Variants in GRM5 observed in about 807,000 individuals in gnomAD.
The protein encoded by GRM5 is metabotropic glutamate receptor 5.
GRM5 carries 19 observed loss-of-function variants against 83.1 expected under a neutral mutation model. The observed-to-expected ratio is 0.23, with a 90% CI of 0.16 to 0.34. The LOEUF (loss-of-function observed/expected upper bound fraction) is 0.34. Among genes scored for constraint, GRM5 ranks in the 10% least tolerant of loss-of-function variants. GRM5 has a pLI of 1.00. For missense variants in GRM5, 1,160 were observed against 1,588.3 expected (o/e 0.73, Z 4.58); for synonymous variants, 675 against 633.6 (o/e 1.07, Z -0.98).
intron 3 of GRM5, among the ~76,000 whole-genome samples, chr11:88,668,167 T>C (rs1940092428): frequency 6.6e-6 from 1 of 151,786 alleles, no homozygotes; most frequent in Admixed American, 6.6e-5. Context: ...TAATTTTATA[T>C]CTCTTAAATC....
rs374206814 is a variant in GRM5 at position 88,676,068 on chromosome 11, A to G, written c.912-22665T>C. On this transcript the variant is annotated intron_variant, in intron 3 of 9. Transcript: ENST00000305447. ...AATAAAGAACTCAGCAAGGGGGATC[A>G]TTAGGAAAGTCAAAGTATTTTATCC... Among the ~76,000 whole-genome samples, 18 of 152,184 alleles carry G rather than the reference A, an allele frequency of 1.2e-4. No homozygotes were observed. The East Asian group carries it at 2.5e-3, about 21-fold the overall frequency.
At chr11:88,946,138 A>G (rs1938277512) in intron 2 of GRM5, among the ~76,000 whole-genome samples, 1 of 152,062 alleles carries the variant, frequency 6.6e-6, no homozygotes, top group Admixed American at 6.6e-5. Flanking sequence ...GAAAAAAATT[A>G]TCATCGCTAA....
chr11:88,993,982 T>C (rs1457608421), intron 2 of GRM5, among the ~76,000 whole-genome samples: 1 of 152,150 alleles, frequency 6.6e-6, no homozygotes. Context: ...CCTCCGAAAG[T>C]ACTGGGATTA....
At chr11:88,573,651 C>T (rs1943050868) in intron 7 of GRM5, among the ~76,000 whole-genome samples, 1 of 152,152 alleles carries the variant, frequency 6.6e-6, no homozygotes, top group Non-Finnish European at 1.5e-5. Flanking sequence ...TCTATTAAAA[C>T]TAATATGGGG....
chr11:89,035,206 T>C (rs1314026668), intron 2 of GRM5, among the ~76,000 whole-genome samples: 1 of 151,756 alleles, frequency 6.6e-6, no homozygotes, highest in Non-Finnish European at 1.5e-5. Flanking sequence ...AAACATATTG[T>C]CAACATCATT....
intron 7 of GRM5, among the ~76,000 whole-genome samples, chr11:88,580,794 A>G (rs1343319840): frequency 6.6e-6 from 1 of 152,248 alleles, no homozygotes; most frequent in African/African-American, 2.4e-5. Flanking sequence ...TGATTGTGCT[A>G]GACAGTCATT....
intron 2 of GRM5, among the ~76,000 whole-genome samples, chr11:89,013,016 T>C (rs188186239): frequency 5.9e-5 from 9 of 152,338 alleles, no homozygotes; most frequent in East Asian, 5.8e-4. Flanking sequence ...GGAACATTCA[T>C]TATTCATTAG....
At position 88,821,909 on chromosome 11, in the gene GRM5, G is replaced by A. The variant is rs188320255; in HGVS notation, c.911+27997C>T. 8.7e-4 allele frequency among the ~76,000 whole-genome samples: 132 copies of A among 152,068 alleles called. 1 individual carries two copies. Among genetic ancestry groups the A allele is most frequent in the Admixed American group, 7.7e-3 (117 of 15,198 alleles). On this transcript the variant is annotated intron_variant, in intron 3 of 9. Coordinates refer to ENST00000305447, the MANE Select transcript of GRM5 (RefSeq NM_001143831.3). Reference sequence around the variant, plus strand: ...CATTCTTGGTGAAGAATGAATTATTGAATACTGGAGTTCCCAATTTCCTAC... The same window carrying A: ...CATTCTTGGTGAAGAATGAATTATTAAATACTGGAGTTCCCAATTTCCTAC...
intron 2 of GRM5, among the ~76,000 whole-genome samples, chr11:88,900,141 C>G (rs1270861735): frequency 6.6e-6 from 1 of 152,090 alleles, no homozygotes; most frequent in Non-Finnish European, 1.5e-5. Context: ...GATGTAGCTT[C>G]TACCGTAGAT....
At chr11:88,619,789 T>C (rs910709980) in intron 4 of GRM5, among the ~76,000 whole-genome samples, 1 of 152,140 alleles carries the variant, frequency 6.6e-6, no homozygotes, top group Non-Finnish European at 1.5e-5. Context: ...GTTTCTTCTG[T>C]ACCCATTAGT....
intron 3 of GRM5, among the ~76,000 whole-genome samples, chr11:88,825,182 C>A (rs1943873468): frequency 6.6e-6 from 1 of 151,148 alleles, no homozygotes; most frequent in African/African-American, 2.4e-5. Flanking sequence ...AGGATCATCT[C>A]AGTTATTTCA....
At chr11:88,808,458 A>T (rs940137578) in intron 3 of GRM5, among the ~76,000 whole-genome samples, 3 of 152,056 alleles carry the variant, frequency 2.0e-5, no homozygotes, top group Non-Finnish European at 4.4e-5. Flanking sequence ...ATCATTTTTA[A>T]TGTTTCCACT....
chr11:88,849,702 T>C (rs1039201101), intron 3 of GRM5, among the ~76,000 whole-genome samples: 5 of 152,212 alleles, frequency 3.3e-5, no homozygotes, highest in African/African-American at 7.2e-5. Context: ...ATTTGTTGAT[T>C]CCTGTTACTA....
At chr11:88,801,527 C>T (rs920868771) in intron 3 of GRM5, among the ~76,000 whole-genome samples, 9 of 152,004 alleles carry the variant, frequency 5.9e-5, no homozygotes, top group African/African-American at 2.2e-4. Context: ...TTATTTGAGA[C>T]AAATATATCT....
intron 9 of GRM5, among the ~76,000 whole-genome samples, chr11:88,516,025 T>C (rs1015659306): frequency 4.7e-5 from 7 of 150,332 alleles, no homozygotes; most frequent in Admixed American, 2.0e-4. Context: ...ATAGGATTTA[T>C]CAGATAGTTT....
At chr11:88,986,257 G>T (rs549843029) in intron 2 of GRM5, among the ~76,000 whole-genome samples, 2 of 152,204 alleles carry the variant, frequency 1.3e-5, no homozygotes, top group African/African-American at 2.4e-5. Flanking sequence ...GTCATATATT[G>T]TATGGTTCAA....
chr11:88,600,043 G>C (rs1252752604), intron 5 of GRM5, among the ~76,000 whole-genome samples: 1 of 152,064 alleles, frequency 6.6e-6, no homozygotes, highest in Admixed American at 6.5e-5. Flanking sequence ...CAGTAATTCA[G>C]TGTGCTCTTT....
chr11:89,041,343 T>C (rs1414969780), intron 2 of GRM5, among the ~76,000 whole-genome samples: 3 of 152,232 alleles, frequency 2.0e-5, no homozygotes, highest in Non-Finnish European at 4.4e-5. Flanking sequence ...TTAGTCATCC[T>C]GGACATGGAG....
chr11:88,962,171 A>G (rs1461731406), intron 2 of GRM5, among the ~76,000 whole-genome samples: 1 of 152,208 alleles, frequency 6.6e-6, no homozygotes, highest in East Asian at 1.9e-4. Flanking sequence ...CAGAAGTGTC[A>G]TTTCAGTTAT....
Sources: gnomAD v4.1 joint callset for allele counts (sites outside exome capture counted in the v4.1 genomes callset) on GRCh38, gnomAD v4.1.1 for gene constraint, MANE v1.5 for transcripts, NCBI Gene and HGNC (gene_info 2026-07-23, HGNC 2026-07-21) for gene names.